Variants in NDC80 observed in about 807,000 individuals in gnomAD.
NDC80 encodes the protein kinetochore protein NDC80 homolog.
In NDC80, 69 loss-of-function variants were observed where a neutral mutation model predicts 89.3. The observed-to-expected ratio is 0.77, with a 90% CI of 0.64 to 0.94. The LOEUF (loss-of-function observed/expected upper bound fraction) is 0.94. Ranked by LOEUF, NDC80 falls within the 40% of genes least tolerant of loss-of-function variation. NDC80 has a pLI of 0.00. For missense variants in NDC80, 593 were observed against 739.6 expected (o/e 0.80, Z 2.30); for synonymous variants, 243 against 255.6 (o/e 0.95, Z 0.47).
At chr18:2,584,957 A>G (rs2072596726) in intron 6 of NDC80, among the ~76,000 whole-genome samples, 156 bp from the exon 7 acceptor site, 3 of 152,224 alleles carry the variant, frequency 2.0e-5, no homozygotes, top group African/African-American at 7.2e-5. Flanking sequence ...AGAAAGTCAA[A>G]AGTGTTAATG....
intron 3 of NDC80, among the ~76,000 whole-genome samples, chr18:2,576,759 G>C (rs1274937304): frequency 6.6e-6 from 1 of 152,126 alleles, no homozygotes; most frequent in Non-Finnish European, 1.5e-5. Context: ...CAAACTGTAT[G>C]CTTTAAACAG....
chr18:2,577,022 G>A (rs1302035260), intron 3 of NDC80, among the ~76,000 whole-genome samples: 1 of 152,112 alleles, frequency 6.6e-6, no homozygotes, highest in Non-Finnish European at 1.5e-5. Flanking sequence ...TATTTCAGTT[G>A]ATGAAAAATC....
chr18:2,600,490 TC>T (rs564607862), intron 12 of NDC80, among the ~76,000 whole-genome samples: 115 of 151,810 alleles, frequency 7.6e-4, no homozygotes, highest in African/African-American at 2.6e-3. Flanking sequence ...ACACCTGTAG[TC>T]CCAGCTACTC....
intron 16 of NDC80, among the ~76,000 whole-genome samples, chr18:2,613,041 G>C (rs910078736): frequency 6.6e-6 from 1 of 152,186 alleles, no homozygotes; most frequent in African/African-American, 2.4e-5. Flanking sequence ...TTTCTTGTGG[G>C]ACAAAGTGTT....
intron 12 of NDC80, among the ~76,000 whole-genome samples, chr18:2,600,685 A>G (rs998538108): frequency 2.0e-5 from 3 of 152,148 alleles, no homozygotes; most frequent in African/African-American, 7.2e-5. Context: ...AAAACTCAGC[A>G]ATAACTTCAA....
chr18:2,597,231 A>T (rs1388651488), intron 11 of NDC80, among the ~76,000 whole-genome samples: 1 of 152,120 alleles, frequency 6.6e-6, no homozygotes, highest in Non-Finnish European at 1.5e-5. Flanking sequence ...AGTGGGACAG[A>T]GCAAGAGATG....
intron 12 of NDC80, among the ~76,000 whole-genome samples, chr18:2,601,014 T>C (rs1286586308): frequency 6.6e-6 from 1 of 152,058 alleles, no homozygotes; most frequent in Non-Finnish European, 1.5e-5. Flanking sequence ...ACTAAACAGT[T>C]GAAAAGGATT....
intron 13 of NDC80, among the ~76,000 whole-genome samples, chr18:2,603,588 G>A (rs1257275506): frequency 6.6e-6 from 1 of 151,558 alleles, no homozygotes; most frequent in African/African-American, 2.4e-5. Context: ...AACCTGAAAA[G>A]TATTTTAAAA....
At chr18:2,591,408 T>A (rs887672883) in intron 10 of NDC80, among the ~76,000 whole-genome samples, 2 of 152,176 alleles carry the variant, frequency 1.3e-5, no homozygotes, top group Non-Finnish European at 2.9e-5. Flanking sequence ...TTCCCAGGAC[T>A]TTGCCTACTT....
intron 3 of NDC80, among the ~76,000 whole-genome samples, chr18:2,575,267 T>C (rs750671668): frequency 5.3e-5 from 8 of 152,206 alleles, no homozygotes; most frequent in East Asian, 1.9e-4. Context: ...CACTATTTCA[T>C]TGTTACAAGT....
At chr18:2,596,811 T>C (rs1348567561) in intron 11 of NDC80, among the ~76,000 whole-genome samples, 19 of 150,904 alleles carry the variant, frequency 1.3e-4, no homozygotes, top group Admixed American at 1.2e-3. Flanking sequence ...ATTAAGAAAA[T>C]GTGGCACATA....
At chr18:2,593,650 C>T in intron 10 of NDC80, 1 of 173,592 alleles carries the variant, frequency 5.8e-6, no homozygotes, top group East Asian at 1.8e-4. Flanking sequence ...TAACCAGATG[C>T]TCTTTAGTAG....
chr18:2,592,570 G>T (rs1267471542), intron 10 of NDC80, among the ~76,000 whole-genome samples: 1 of 151,760 alleles, frequency 6.6e-6, no homozygotes, highest in Non-Finnish European at 1.5e-5. Context: ...TGTTGGCCAA[G>T]CTGGTCTCAA....
chr18:2,616,327 T>G, intron 16 of NDC80, 110 bp from the exon 17 acceptor site: 1 of 774,118 alleles, frequency 1.3e-6, no homozygotes, highest in Non-Finnish European at 1.9e-6. Flanking sequence ...GCCCGGCCCT[T>G]TTTATTCTTA....
chr18:2,605,152 G>T (rs901042538), intron 13 of NDC80, among the ~76,000 whole-genome samples: 1 of 152,208 alleles, frequency 6.6e-6, no homozygotes, highest in Middle Eastern at 3.4e-3. Context: ...CCTTGATAAA[G>T]AATATAAAAG....
rs767370178 is a variant in NDC80 at position 2,575,012 on chromosome 18, A to C, written c.125A>C (p.Lys42Thr). ...AGCAAAGAGAAACCAACCTTTGGAA[A>C]GTTGAGTATAAACAAACCGACATCT... is the stretch of plus-strand genomic sequence containing the variant. ...PQTKEKPTFG[K>T]LSINKPTSER... The change falls in exon 3 of 17, where the codon AAG becomes ACG. Residue 42 changes from lysine (K) to threonine (T), a missense_variant. Coordinates refer to ENST00000261597, the MANE Select transcript of NDC80 (RefSeq NM_006101.3). 6.2e-7 allele frequency: 1 copy of C among 1,609,684 alleles called. No individual in the cohort carries two copies. The highest frequency in any genetic ancestry group is 8.5e-7 in the Non-Finnish European group (1 of 1,178,100).
chr18:2,574,198 A>G (rs1261104433), intron 2 of NDC80, among the ~76,000 whole-genome samples: 1 of 152,158 alleles, frequency 6.6e-6, no homozygotes, highest in Non-Finnish European at 1.5e-5. Context: ...AATAAAATGG[A>G]TGCTAGAGGC....
Position 2,609,647 on chromosome 18 carries a change from C to G in NDC80, c.1688+817C>G, listed in dbSNP as rs1331640235. Among the ~76,000 whole-genome samples, 6 of 152,160 alleles carry G rather than the reference C, an allele frequency of 3.9e-5. No homozygotes were observed. In the East Asian group the frequency reaches 5.8e-4, roughly 15 times the overall value. Reference sequence around the variant, plus strand: ...GGGACCCTTCATAATAAAAAGACCTCTAGTTTGATTTGAGAAATGGGCATT... The same window carrying G: ...GGGACCCTTCATAATAAAAAGACCTGTAGTTTGATTTGAGAAATGGGCATT... On this transcript the variant is annotated intron_variant, in intron 15 of 16. Transcript: ENST00000261597.
At position 2,575,005 on chromosome 18, in the gene NDC80, T is replaced by A; in HGVS notation, c.118T>A (p.Phe40Ile). 3.7e-6 allele frequency: 6 copies of A among 1,608,060 alleles called. No individual in the cohort carries two copies. The South Asian group carries it at 6.7e-5, about 18-fold the overall frequency. ...YTPQTKEKPT[F>I]GKLSINKPTS... Reference sequence around the variant, plus strand: ...TTCTTAAAGCAAAGAGAAACCAACCTTTGGAAAGTTGAGTATAAACAAACC... The same window carrying A: ...TTCTTAAAGCAAAGAGAAACCAACCATTGGAAAGTTGAGTATAAACAAACC... Residue 40 changes from phenylalanine to isoleucine, a missense_variant, in exon 3 of 17, where the codon TTT becomes ATT. Coordinates refer to ENST00000261597, the MANE Select transcript of NDC80 (RefSeq NM_006101.3).
Sources: allele counts gnomAD v4.1 joint callset (sites outside exome capture counted in the v4.1 genomes callset), GRCh38; gene constraint gnomAD v4.1.1; transcripts MANE v1.5; gene names NCBI Gene and HGNC (gene_info 2026-07-23, HGNC 2026-07-21).